Variants in ARHGAP22 observed in about 807,000 individuals in gnomAD.
The protein encoded by ARHGAP22 is Rho GTPase activating protein 22, also known as rho GTPase-activating protein 22.
In ARHGAP22, 48 loss-of-function variants were observed where a neutral mutation model predicts 59.1. That is an observed-to-expected ratio of 0.81 (90% CI 0.64 to 1.03). ARHGAP22 has a LOEUF of 1.03. Ranked by LOEUF, ARHGAP22 falls within the 50% of genes least tolerant of loss-of-function variation. The pLI is 0.00. For missense variants in ARHGAP22, 1,015 were observed against 958.7 expected, an observed-to-expected ratio of 1.06 and a Z score of -0.78; for synonymous variants, 445 against 416.4, an observed-to-expected ratio of 1.07 and a Z score of -0.84.
intron 3 of ARHGAP22, among the ~76,000 whole-genome samples, chr10:48,493,150 T>C (rs1315029989): frequency 6.6e-6 from 1 of 152,148 alleles, no homozygotes; most frequent in Non-Finnish European, 1.5e-5. Flanking sequence ...GGCCATTATT[T>C]TGCCAACCAC....
At chr10:48,531,027 C>T (rs2054795288) in intron 3 of ARHGAP22, among the ~76,000 whole-genome samples, 1 of 152,184 alleles carries the variant, frequency 6.6e-6, no homozygotes, top group African/African-American at 2.4e-5. Context: ...AGCCCAAATT[C>T]CCATAAATCA....
intron 3 of ARHGAP22, among the ~76,000 whole-genome samples, chr10:48,548,518 T>C (rs968529840): frequency 1.4e-4 from 22 of 152,240 alleles, no homozygotes; most frequent in African/African-American, 5.3e-4. Context: ...GCTTAACGGA[T>C]GACCTAATTC....
intron 2 of ARHGAP22, among the ~76,000 whole-genome samples, chr10:48,559,305 C>G (rs1401219649): frequency 6.6e-6 from 1 of 152,178 alleles, no homozygotes; most frequent in East Asian, 1.9e-4. Context: ...TGGGCCCTTT[C>G]CCCCTTCCCC....
chr10:48,516,159 A>T (rs1480985932), intron 3 of ARHGAP22, among the ~76,000 whole-genome samples: 1 of 152,220 alleles, frequency 6.6e-6, no homozygotes, highest in Non-Finnish European at 1.5e-5. Flanking sequence ...TAAAATTATT[A>T]AAATCAGGAA....
the ARHGAP22 span, among the ~76,000 whole-genome samples, chr10:48,439,729 T>C: frequency 1.3e-5 from 2 of 152,212 alleles, no homozygotes; most frequent in East Asian, 3.9e-4. Flanking sequence ...TGTTTCCAAC[T>C]TTTGCCATGC....
chr10:48,526,418 G>A lies in ARHGAP22; in HGVS notation c.322+29045C>T, dbSNP rs151307475. ...CTGCGTTAGATCCGGAAAGAAAGAT[G>A]TTTTCACTTCATGACACATAGGTGG... On this transcript the variant is annotated intron_variant, in intron 3 of 9. Coordinates refer to ENST00000249601, the MANE Select transcript of ARHGAP22 (RefSeq NM_021226.4). Among the ~76,000 whole-genome samples, 84 of 152,338 alleles carry A rather than the reference G, an allele frequency of 5.5e-4. No individual in the cohort carries two copies. The East Asian group carries it at 0.016, about 28-fold the overall frequency.
intron 9 of ARHGAP22, among the ~76,000 whole-genome samples, chr10:48,447,833 G>T (rs187314797): frequency 1.3e-5 from 2 of 152,114 alleles, no homozygotes; most frequent in Admixed American, 1.3e-4. Context: ...GAACAATGAT[G>T]TCCTCCCCTA....
chr10:48,600,276 C>A (rs187715035), intron 1 of ARHGAP22, among the ~76,000 whole-genome samples: 1 of 152,100 alleles, frequency 6.6e-6, no homozygotes, highest in Non-Finnish European at 1.5e-5. Context: ...AAGTCATATC[C>A]TTGATTGCAT....
chr10:48,575,720 G>T (rs958794023), intron 2 of ARHGAP22: 2 of 152,196 alleles, frequency 1.3e-5, no homozygotes, highest in African/African-American at 4.8e-5. Flanking sequence ...TTTTTAAATT[G>T]CCTCTTCTAG....
intron 2 of ARHGAP22, among the ~76,000 whole-genome samples, chr10:48,565,967 T>C (rs1401013866): frequency 6.6e-6 from 1 of 152,182 alleles, no homozygotes; most frequent in Non-Finnish European, 1.5e-5. Flanking sequence ...TGACAGTCCA[T>C]GGGGACCTCC....
chr10:48,589,906 A>G (rs1378094662), intron 1 of ARHGAP22, among the ~76,000 whole-genome samples: 1 of 152,166 alleles, frequency 6.6e-6, no homozygotes, highest in Non-Finnish European at 1.5e-5. Context: ...ACACAGAGGA[A>G]AATCCAGCCC....
chr10:48,654,841 CCT>C (rs1470023451), upstream of ARHGAP22, among the ~76,000 whole-genome samples: 24 of 140,290 alleles, frequency 1.7e-4, no homozygotes, highest in South Asian at 2.4e-4. Flanking sequence ...TTCCTTCCTT[CCT>C]CTCTCTTTTC....
intron 3 of ARHGAP22, among the ~76,000 whole-genome samples, chr10:48,519,413 G>C (rs1004465021): frequency 6.6e-6 from 1 of 152,242 alleles, no homozygotes; most frequent in Admixed American, 6.5e-5. Flanking sequence ...CCCATGCCCA[G>C]AGCTCATCTA....
rs142348750 is a variant in ARHGAP22, at chr10:48,586,763, C to T, written c.35-3611G>A. ...TTGGGTGATTAATCAACTGGAACAT[C>T]TTTGCACGGGCTTCTACCAATTGTA... On this transcript the variant is annotated intron_variant, in intron 1 of 9. Coordinates refer to ENST00000249601, the MANE Select transcript of ARHGAP22 (RefSeq NM_021226.4). Among the ~76,000 whole-genome samples the T allele has an allele frequency of 9.2e-5, 14 of 152,340 alleles. No individual in the cohort carries two copies. In the East Asian group the frequency reaches 1.7e-3, roughly 19 times the overall value.
downstream of ARHGAP22, among the ~76,000 whole-genome samples, chr10:48,442,327 G>A (rs191798372): frequency 6.6e-6 from 1 of 152,326 alleles, no homozygotes; most frequent in East Asian, 1.9e-4. Context: ...AGTGCTCGGT[G>A]AGTGCTGGCT....
In ARHGAP22 at chr10:48,450,590, G is replaced by C; in HGVS notation, c.1539C>G (p.Ser513=). Reference sequence around the variant, plus strand: ...CCGACGACTCGCTGGACGAGGCCCCGGACCACGCCATACTGGCCACGCTGG... The same window carrying C: ...CCGACGACTCGCTGGACGAGGCCCCCGACCACGCCATACTGGCCACGCTGG... The part of the protein sequence containing the change: ...GIPSVASMAW[S]GASSSESSVG... Residue 513 remains serine, a synonymous_variant, in exon 9 of 10, where the codon TCC becomes TCG. Coordinates refer to ENST00000249601, the MANE Select transcript of ARHGAP22 (RefSeq NM_021226.4). 6.5e-7 allele frequency: 1 copy of C among 1,544,190 alleles called. No individual in the cohort carries two copies. Among genetic ancestry groups the C allele is most frequent in the Admixed American group, 2.0e-5 (1 of 50,746 alleles).
intron 4 of ARHGAP22, among the ~76,000 whole-genome samples, chr10:48,472,896 G>C (rs1015171547): frequency 6.6e-6 from 1 of 152,146 alleles, no homozygotes; most frequent in African/African-American, 2.4e-5. Context: ...CTGCCAGTGG[G>C]AATATAAAAT....
intron 2 of ARHGAP22, among the ~76,000 whole-genome samples, chr10:48,580,292 G>A (rs987616651): frequency 3.9e-5 from 6 of 152,202 alleles, no homozygotes; most frequent in South Asian, 2.1e-4. Flanking sequence ...TCTGGAAAAC[G>A]TGGCAGGGGA....
intron 1 of ARHGAP22, among the ~76,000 whole-genome samples, chr10:48,617,678 G>C (rs532292438): frequency 6.6e-6 from 1 of 151,970 alleles, no homozygotes; most frequent in East Asian, 1.9e-4. Flanking sequence ...AAAAATCTTT[G>C]TGACACAGCA....
Sources: gnomAD v4.1 joint callset for allele counts (sites outside exome capture counted in the v4.1 genomes callset) on GRCh38, gnomAD v4.1.1 for gene constraint, MANE v1.5 for transcripts, NCBI Gene and HGNC (gene_info 2026-07-23, HGNC 2026-07-21) for gene names.